The following SYNE1 variants were observed in gnomAD, a reference collection of about 807,000 sequenced individuals.
SYNE1 encodes nesprin-1.
In SYNE1, 616 loss-of-function variants were observed where a neutral mutation model predicts 1,111.0. That is an observed-to-expected ratio of 0.55 (90% CI 0.52 to 0.59). SYNE1 has a LOEUF of 0.59. Ranked by LOEUF, SYNE1 falls within the 20% of genes least tolerant of loss-of-function variation. The probability of loss-of-function intolerance (pLI) is 0.00; values close to 1 mark genes in which losing one functional copy is unlikely to be tolerated. For missense variants in SYNE1, 10,006 were observed against 10,417.0 expected (o/e 0.96, Z 1.72); for synonymous variants, 3,855 against 3,825.8 (o/e 1.01, Z -0.28).
chr6:152,216,762 T>G (rs1287487616), intron 121 of SYNE1, among the ~76,000 whole-genome samples: 1 of 152,138 alleles, frequency 6.6e-6, no homozygotes, highest in Non-Finnish European at 1.5e-5. Context: ...ATATTTAAAA[T>G]CATTCACAAT....
At chr6:152,450,495 A>C (rs1564110336) in intron 27 of SYNE1, 130 bp downstream of exon 27, 1 of 958,018 alleles carries the variant, frequency 1.0e-6, no homozygotes, top group Non-Finnish European at 1.7e-6. Context: ...TCCTTTTATT[A>C]AATGAAGGAT....
intron 4 of SYNE1, among the ~76,000 whole-genome samples, chr6:152,534,626 TTTGGGGG>T (rs1378008120): frequency 1.3e-5 from 2 of 151,438 alleles, no homozygotes; most frequent in African/African-American, 4.8e-5. Context: ...TAAAAAATTA[TTTGGGGG>T]GGTGAATTAT....
chr6:152,465,486 C>T (rs765884693), intron 17 of SYNE1, 26 bp from the exon 18 acceptor site: 1 of 1,597,400 alleles, frequency 6.3e-7, no homozygotes, highest in Non-Finnish European at 8.5e-7. Flanking sequence ...CCAATTATAA[C>T]CCTTATCTCA....
At chr6:152,246,178 G>C (rs1051401988) in intron 105 of SYNE1, among the ~76,000 whole-genome samples, 2 of 152,082 alleles carry the variant, frequency 1.3e-5, no homozygotes, top group Non-Finnish European at 2.9e-5. Context: ...TCCACACACA[G>C]AGTTCCCTTT....
chr6:152,376,675 T>C, intron 57 of SYNE1, 101 bp downstream of exon 57: 2 of 1,563,646 alleles, frequency 1.3e-6, no homozygotes, highest in Non-Finnish European at 1.7e-6. Flanking sequence ...GTAATATATT[T>C]AATGCTGAAC....
intron 3 of SYNE1, among the ~76,000 whole-genome samples, chr6:152,559,033 G>T (rs1483545283): frequency 6.5e-5 from 7 of 107,372 alleles, no homozygotes; most frequent in Admixed American, 1.0e-4. Context: ...TTTAGAGAGA[G>T]GGTCGCATCT....
intron 3 of SYNE1, among the ~76,000 whole-genome samples, chr6:152,614,202 C>T (rs538717767): frequency 3.3e-5 from 5 of 152,244 alleles, no homozygotes; most frequent in African/African-American, 9.6e-5. Context: ...AACAGGCAAC[C>T]TACAGAATGG....
rs2096254253 is a variant in SYNE1, at chr6:152,331,876, C to T, written c.12809G>A (p.Ser4270Asn). The change falls in exon 78 of 146, where the codon AGT (serine) becomes AAT (asparagine). Residue 4270 changes from serine to asparagine, a missense_variant. Physicochemically the swap from Ser to Asn is conservative, Grantham distance 46. Transcript: ENST00000367255. Reference sequence around the variant, plus strand: ...CAAAGCTTCCAGGTGGACAGCTGTACTCTCTGCATCAGATCTGAAAATACA... The same window carrying T: ...CAAAGCTTCCAGGTGGACAGCTGTATTCTCTGCATCAGATCTGAAAATACA... ...WDNLARSDAE[S>N]TAVHLEALKK... 1.5e-5 allele frequency: 24 copies of T among 1,612,074 alleles called. No homozygotes were observed. The highest frequency in any genetic ancestry group is 3.3e-5 in the Admixed American group (2 of 60,004).
intron 135 of SYNE1, 101 bp from the exon 136 acceptor site, chr6:152,149,769 G>T: frequency 1.0e-6 from 1 of 1,003,034 alleles, no homozygotes; most frequent in Non-Finnish European, 1.5e-6. Context: ...AAAAAGACAT[G>T]TAGGGGCTAT....
chr6:152,362,082 AG>A, intron 64 of SYNE1, 87 bp downstream of exon 64: 3 of 1,579,304 alleles, frequency 1.9e-6, no homozygotes, highest in Non-Finnish European at 2.6e-6. Flanking sequence ...GCACTGCCCT[AG>A]GGTACACGTA....
At chr6:152,484,038 CA>C (rs773019397) in intron 13 of SYNE1, among the ~76,000 whole-genome samples, 7,175 of 53,338 alleles carry the variant, frequency 0.13, 144 homozygotes, top group African/African-American at 0.16. Context: ...CTCATCTCTA[CA>C]AAAAAAAAAA....
chr6:152,427,586 C>G (rs1166399149), intron 38 of SYNE1, 107 bp downstream of exon 38: 1 of 1,402,688 alleles, frequency 7.1e-7, no homozygotes, highest in Admixed American at 1.8e-5. Flanking sequence ...AATCACAAAA[C>G]CAAAGCAAGA....
At chr6:152,480,092 A>G (rs1232939935) in intron 14 of SYNE1, among the ~76,000 whole-genome samples, 1 of 152,260 alleles carries the variant, frequency 6.6e-6, no homozygotes. Context: ...TCATACATCA[A>G]TGATTCCTAA....
chr6:152,430,410 A>G, intron 35 of SYNE1, 72 bp downstream of exon 35: 4 of 1,361,982 alleles, frequency 2.9e-6, no homozygotes, highest in Non-Finnish European at 4.2e-6. Context: ...CTATTTGTAA[A>G]GTATTTATTG....
chr6:152,518,488 TCTC>T (rs1463369105), intron 6 of SYNE1, among the ~76,000 whole-genome samples: 2 of 151,798 alleles, frequency 1.3e-5, no homozygotes, highest in Admixed American at 6.6e-5. Flanking sequence ...CTGCTCCCCT[TCTC>T]CTTCCGCCAT....
intron 4 of SYNE1, among the ~76,000 whole-genome samples, chr6:152,536,376 T>TAATATATATATA: frequency 1.1e-5 from 1 of 87,270 alleles, no homozygotes; most frequent in East Asian, 4.7e-4. Flanking sequence ...ATATATATAG[T>TAATATATATATA]AATATATATA....
intron 56 of SYNE1, among the ~76,000 whole-genome samples, chr6:152,379,567 T>C (rs1281208201): frequency 6.6e-6 from 1 of 152,198 alleles, no homozygotes; most frequent in Non-Finnish European, 1.5e-5. Context: ...AACATTTTCT[T>C]ACATATTCAT....
rs561430061 is a variant in SYNE1, at chr6:152,416,219, G to A, written c.6050+168C>T. ...CTGTTTAGGAACAAAAGGAAAGGCA[G>A]CTGCTTGCATGACTCAACTCAGCTT... On this transcript the variant is annotated intron_variant, in intron 41 of 145. Transcript: ENST00000367255. 1.4e-3 allele frequency among the ~76,000 whole-genome samples: 213 copies of A among 152,306 alleles called. 1 individual carries two copies. Among genetic ancestry groups the A allele is most frequent in the African/African-American group, 4.9e-3 (204 of 41,572 alleles).
intron 22 of SYNE1, among the ~76,000 whole-genome samples, 166 bp from the exon 23 acceptor site, chr6:152,456,210 A>G (rs1437436763): frequency 2.0e-5 from 3 of 152,202 alleles, no homozygotes; most frequent in African/African-American, 7.2e-5. Context: ...AAAGATCTCA[A>G]TTTTAAACAA....
Sources: gnomAD v4.1 joint callset for allele counts (sites outside exome capture counted in the v4.1 genomes callset) on GRCh38, gnomAD v4.1.1 for gene constraint, MANE v1.5 for transcripts, NCBI Gene and HGNC (gene_info 2026-07-23, HGNC 2026-07-21) for gene names.